EGLN1: variants seen among roughly 807,000 people sequenced by gnomAD.
EGLN1 encodes egl nine homolog 1.
In EGLN1, 17 loss-of-function variants were observed where a neutral mutation model predicts 38.3. That is an observed-to-expected ratio of 0.44 (90% CI 0.30 to 0.67). EGLN1 has a LOEUF of 0.67. Among genes scored for constraint, EGLN1 ranks in the 30% least tolerant of loss-of-function variants. The pLI is 0.08. For synonymous variants in EGLN1, 283 were observed against 257.5 expected, an observed-to-expected ratio of 1.10 and a Z score of -0.95; for missense variants, 477 against 603.3, an observed-to-expected ratio of 0.79 and a Z score of 2.19.
intron 1 of EGLN1, among the ~76,000 whole-genome samples, chr1:231,419,992 G>C (rs377658804): frequency 1.3e-5 from 2 of 152,148 alleles, no homozygotes; most frequent in African/African-American, 4.8e-5. Flanking sequence ...TGGCCTGGGA[G>C]CAGCCACAAA....
chr1:231,412,479 A>G (rs1224806216), intron 1 of EGLN1, among the ~76,000 whole-genome samples: 2 of 152,156 alleles, frequency 1.3e-5, no homozygotes, highest in African/African-American at 4.8e-5. Context: ...AACTTCGTAT[A>G]TTTCTTTTTA....
At chr1:231,411,449 T>C (rs1039267297) in intron 1 of EGLN1, among the ~76,000 whole-genome samples, 1 of 152,220 alleles carries the variant, frequency 6.6e-6, no homozygotes, top group Admixed American at 6.5e-5. Context: ...AATCTTTTTA[T>C]TCCCCAAACT....
chr1:231,366,909 A>G (rs764448433), intron 4 of EGLN1, among the ~76,000 whole-genome samples: 1 of 152,190 alleles, frequency 6.6e-6, no homozygotes, highest in Non-Finnish European at 1.5e-5. Context: ...TACTCAGTGG[A>G]TTTTTGGAGA....
In EGLN1 at chr1:231,370,464, G is replaced by T. The variant is rs1038440004; in HGVS notation, c.1148+98C>A. On this transcript the variant is annotated intron_variant, in intron 3 of 4. Coordinates refer to ENST00000366641, the MANE Select transcript of EGLN1 (RefSeq NM_022051.3). ...TTAAAATGACTGTGAAAAGTACCTG[G>T]CAGGAAAATACTCATTAGAAAGCTT... 22 of 1,277,616 alleles carry T rather than the reference G, an allele frequency of 1.7e-5. No homozygotes were observed. The South Asian group carries it at 2.6e-4, about 15-fold the overall frequency. 79.1% of individuals were successfully genotyped at this position (1,277,616 alleles called of 1,614,324 possible). A position where few individuals can be genotyped will look rare whatever the true frequency, so the allele number is the denominator to read the frequency against.
chr1:231,371,336 T>C (rs1445569175), intron 2 of EGLN1, among the ~76,000 whole-genome samples: 3 of 152,306 alleles, frequency 2.0e-5, no homozygotes, highest in Non-Finnish European at 2.9e-5. Context: ...TTCAAATAGA[T>C]AGATTTCAAG....
At chr1:231,396,290 T>C (rs1688529249) in intron 1 of EGLN1, among the ~76,000 whole-genome samples, 1 of 151,142 alleles carries the variant, frequency 6.6e-6, no homozygotes, top group Admixed American at 6.6e-5. Flanking sequence ...AGTCTCGCTC[T>C]GTTGCCAGGC....
intron 1 of EGLN1, among the ~76,000 whole-genome samples, chr1:231,414,706 C>T (rs1196142906): frequency 2.7e-5 from 4 of 149,994 alleles, no homozygotes; most frequent in Admixed American, 2.7e-4. Context: ...AGGCCCAGTG[C>T]GATGGCTCAT....
chr1:231,367,720 G>C, intron 3 of EGLN1, 84 bp from the exon 4 acceptor site: 1 of 1,182,486 alleles, frequency 8.5e-7, no homozygotes, highest in Non-Finnish European at 1.3e-6. Context: ...ATTAAAACTT[G>C]TAATGCCAAA....
rs1185542419 is a variant in EGLN1, at chr1:231,421,931, G to C, written c.-43C>G. On this transcript the variant is annotated 5_prime_UTR_variant, in exon 1 of 5. Coordinates refer to ENST00000366641, the MANE Select transcript of EGLN1 (RefSeq NM_022051.3). This position sits in a 1 kb window ranked among gnomAD's most constrained non-coding sequence, Gnocchi z 5.5. ...CGACGGCGACTGCGGCGGCCGAGCA[G>C]GAGGGGTAGCGGCCGGACGGCCTCG... 1 of 1,357,758 alleles carries C rather than the reference G, an allele frequency of 7.4e-7. No homozygotes were observed. Among genetic ancestry groups the C allele is most frequent in the Non-Finnish European group, 9.4e-7 (1 of 1,066,716 alleles). 84.1% of individuals were successfully genotyped at this position (1,357,758 alleles called of 1,614,324 possible).
rs1446691269 is a variant in EGLN1, at chr1:231,416,064, G to T, written c.891+4934C>A. 2.0e-5 allele frequency among the ~76,000 whole-genome samples: 3 copies of T among 152,144 alleles called. No homozygotes were observed. In the East Asian group the frequency reaches 5.8e-4, roughly 29 times the overall value. ...GGGTTTCACCATGTTGGTTGGCCAG[G>T]ATGGTCTCAATCCCTCGACCTTGTG... On this transcript the variant is annotated intron_variant, in intron 1 of 4. Transcript: ENST00000366641.
chr1:231,417,285 C>G (rs778335823), intron 1 of EGLN1, among the ~76,000 whole-genome samples: 4 of 152,148 alleles, frequency 2.6e-5, no homozygotes, highest in Non-Finnish European at 5.9e-5. Flanking sequence ...TAGTCCCAAC[C>G]TATTTTATTA....
intron 1 of EGLN1, 116 bp from the exon 2 acceptor site, chr1:231,374,215 A>G: frequency 2.2e-6 from 2 of 894,286 alleles, no homozygotes; most frequent in Non-Finnish European, 3.6e-6. Flanking sequence ...TCTTCTAATA[A>G]AAATAATATT....
chr1:231,412,824 G>T (rs1390556307), intron 1 of EGLN1, among the ~76,000 whole-genome samples: 1 of 152,138 alleles, frequency 6.6e-6, no homozygotes, highest in Non-Finnish European at 1.5e-5. Context: ...GGCAAGAGAA[G>T]AAAAGCAGAA....
intron 1 of EGLN1, among the ~76,000 whole-genome samples, chr1:231,389,890 G>C (rs571487975): frequency 1.6e-4 from 24 of 152,176 alleles, no homozygotes; most frequent in Non-Finnish European, 2.9e-4. Flanking sequence ...AGAGGTTGCA[G>C]TGAACTGAGA....
intron 1 of EGLN1, among the ~76,000 whole-genome samples, chr1:231,409,880 G>A (rs1688891599): frequency 2.0e-5 from 3 of 150,290 alleles, no homozygotes; most frequent in Admixed American, 6.6e-5. Flanking sequence ...TAATGCTTTA[G>A]GTTAGAAAAT....
chr1:231,390,293 A>C (rs955876744), intron 1 of EGLN1, among the ~76,000 whole-genome samples: 4 of 152,164 alleles, frequency 2.6e-5, no homozygotes, highest in African/African-American at 9.7e-5. Context: ...ATCACTATCT[A>C]CCTCACAGGG....
chr1:231,369,832 A>AT (rs953812099), intron 3 of EGLN1, among the ~76,000 whole-genome samples: 17 of 151,992 alleles, frequency 1.1e-4, no homozygotes, highest in Non-Finnish European at 2.2e-4. Flanking sequence ...AAAAATAAGT[A>AT]TTTTTTTTTA....
chr1:231,376,203 G>A (rs1687953203), intron 1 of EGLN1, among the ~76,000 whole-genome samples: 2 of 152,146 alleles, frequency 1.3e-5, no homozygotes, highest in Admixed American at 1.3e-4. Context: ...AAATTTAATA[G>A]AAAATTCCAG....
At chr1:231,388,449 C>T (rs1688277180) in intron 1 of EGLN1, among the ~76,000 whole-genome samples, 3 of 152,164 alleles carry the variant, frequency 2.0e-5, no homozygotes, top group Admixed American at 2.0e-4. Flanking sequence ...GTTCTACTAT[C>T]TCTAGCCTGT....
Sources: gnomAD v4.1 joint callset for allele counts (sites outside exome capture counted in the v4.1 genomes callset) on GRCh38, gnomAD v4.1.1 for gene constraint, Gnocchi (gnomAD v3.1) non-coding constraint, MANE v1.5 for transcripts, NCBI Gene and HGNC (gene_info 2026-07-23, HGNC 2026-07-21) for gene names.